Variants in EHBP1 observed in about 807,000 individuals in gnomAD.
EHBP1 encodes the protein EH domain-binding protein 1.
A neutral mutation model predicts 144.0 loss-of-function variants in EHBP1; 55 were observed. The ratio of observed to expected loss-of-function variants is 0.38; its 90% CI spans 0.31 to 0.48. The LOEUF (loss-of-function observed/expected upper bound fraction) is 0.48. Ranked by LOEUF, EHBP1 falls within the 20% of genes least tolerant of loss-of-function variation. EHBP1 has a pLI of 0.98. For synonymous variants in EHBP1, 469 were observed against 472.7 expected (o/e 0.99, Z 0.10); for missense variants, 1,200 against 1,364.2 (o/e 0.88, Z 1.90).
intron 3 of EHBP1, among the ~76,000 whole-genome samples, chr2:62,759,468 T>A (rs2040583627): frequency 6.6e-6 from 1 of 152,104 alleles, no homozygotes; most frequent in Non-Finnish European, 1.5e-5. Flanking sequence ...TGCAGTGGCG[T>A]GATCTTGGCT....
At chr2:62,774,298 G>A (rs1021601224) in intron 5 of EHBP1, among the ~76,000 whole-genome samples, 29 of 151,512 alleles carry the variant, frequency 1.9e-4, no homozygotes, top group Non-Finnish European at 3.4e-4. Context: ...TTAAACCTGG[G>A]AGGCAGAGGT....
At chr2:62,968,487 T>A (rs1251459676) in intron 14 of EHBP1, among the ~76,000 whole-genome samples, 1 of 151,954 alleles carries the variant, frequency 6.6e-6, no homozygotes, top group Non-Finnish European at 1.5e-5. Context: ...TTCTTAGAGG[T>A]TTTTCTAGTG....
chr2:62,957,723 G>A (rs1158044727), intron 14 of EHBP1, among the ~76,000 whole-genome samples: 1 of 131,108 alleles, frequency 7.6e-6, no homozygotes, highest in African/African-American at 3.0e-5. Flanking sequence ...TCGGCTCACT[G>A]CAAGCTTCGC....
At chr2:62,943,010 C>G (rs2056851611) in intron 11 of EHBP1, 114 bp downstream of exon 11, 2 of 761,432 alleles carry the variant, frequency 2.6e-6, no homozygotes, top group Admixed American at 3.2e-5. Context: ...TTTTATTACC[C>G]CACCTCTTGC....
intron 7 of EHBP1, among the ~76,000 whole-genome samples, chr2:62,849,589 A>G (rs2048537536): frequency 6.6e-6 from 1 of 152,224 alleles, no homozygotes. Flanking sequence ...ACATGCATAG[A>G]CATAGAGATA....
intron 1 of EHBP1, among the ~76,000 whole-genome samples, chr2:62,687,502 C>T (rs1177696873): frequency 1.3e-5 from 2 of 152,176 alleles, no homozygotes; most frequent in African/African-American, 2.4e-5. Flanking sequence ...AGATGGGTTT[C>T]CCATCTGTGT....
intron 2 of EHBP1, among the ~76,000 whole-genome samples, chr2:62,723,675 G>A (rs998733332): frequency 1.3e-5 from 2 of 152,124 alleles, no homozygotes; most frequent in African/African-American, 4.8e-5. Flanking sequence ...CAGATCTGGT[G>A]ATAATTAATT....
chr2:62,895,712 C>A (rs985322684), intron 10 of EHBP1, among the ~76,000 whole-genome samples: 2 of 152,040 alleles, frequency 1.3e-5, no homozygotes, highest in Non-Finnish European at 2.9e-5. Context: ...TTTATAATAT[C>A]CCAGGCCAGA....
At chr2:62,992,620 T>C (rs1433361151) in intron 16 of EHBP1, among the ~76,000 whole-genome samples, 1 of 152,190 alleles carries the variant, frequency 6.6e-6, no homozygotes, top group African/African-American at 2.4e-5. Context: ...AAATGCAGTT[T>C]ACACATTTAT....
At chr2:62,977,928 TTAAA>T (rs1396347472) in intron 14 of EHBP1, among the ~76,000 whole-genome samples, 1 of 151,900 alleles carries the variant, frequency 6.6e-6, no homozygotes, top group Non-Finnish European at 1.5e-5. Context: ...TGAGTAGAAA[TTAAA>T]TAAGGTGAGA....
At chr2:63,008,888 T>C (rs2060157658) in intron 19 of EHBP1, among the ~76,000 whole-genome samples, 1 of 151,668 alleles carries the variant, frequency 6.6e-6, no homozygotes, top group Admixed American at 6.6e-5. Flanking sequence ...AAAAAATTAA[T>C]TTCTTGTATG....
intron 1 of EHBP1, among the ~76,000 whole-genome samples, chr2:62,679,840 G>A (rs927200287): frequency 2.0e-5 from 3 of 152,216 alleles, no homozygotes; most frequent in African/African-American, 7.2e-5. Context: ...TGTGCCAAGT[G>A]TTTAGAGGCC....
intron 5 of EHBP1, among the ~76,000 whole-genome samples, chr2:62,825,225 C>T (rs1387652478): frequency 6.6e-6 from 1 of 152,016 alleles, no homozygotes; most frequent in Non-Finnish European, 1.5e-5. Context: ...CATATCTCCC[C>T]AGAATTTACA....
intron 1 of EHBP1, among the ~76,000 whole-genome samples, chr2:62,674,955 C>G (rs1388648441): frequency 6.6e-6 from 1 of 152,154 alleles, no homozygotes; most frequent in Non-Finnish European, 1.5e-5. Context: ...TTCTGCTGAC[C>G]TAGGTTAACC....
intron 2 of EHBP1, among the ~76,000 whole-genome samples, chr2:62,739,935 GAAAA>G (rs66665657): frequency 2.1e-5 from 2 of 97,120 alleles, no homozygotes; most frequent in African/African-American, 3.9e-5. Context: ...GCCTGTCTCA[GAAAA>G]AAAAAAAAAA....
intron 10 of EHBP1, among the ~76,000 whole-genome samples, chr2:62,939,701 G>A (rs1031767423): frequency 1.3e-5 from 2 of 152,130 alleles, no homozygotes; most frequent in African/African-American, 4.8e-5. Flanking sequence ...GGGAAATGGA[G>A]CAATCTGAGA....
chr2:62,741,550 G>A (rs1023502336), intron 2 of EHBP1, among the ~76,000 whole-genome samples: 6 of 152,028 alleles, frequency 3.9e-5, no homozygotes, highest in Admixed American at 2.0e-4. Context: ...TAGTGTCAGC[G>A]TTTTTGTTGT....
At chr2:62,943,994 A>T in intron 12 of EHBP1, 144 bp downstream of exon 12, 1 of 533,568 alleles carries the variant, frequency 1.9e-6, no homozygotes, top group Non-Finnish European at 3.3e-6. Flanking sequence ...GTTCATTAGG[A>T]TACATGGTTT....
At position 62,908,201 on chromosome 2, in the gene EHBP1, G is replaced by C. The variant is rs954525581; in HGVS notation, c.1185+33669G>C. Among the ~76,000 whole-genome samples the C allele has an allele frequency of 3.9e-5, 6 of 152,118 alleles. 1 individual carries two copies. The highest frequency in any genetic ancestry group is 2.6e-4 in the Admixed American group (4 of 15,278). On this transcript the variant is annotated intron_variant, in intron 10 of 22. Coordinates refer to ENST00000431489, the MANE Select transcript of EHBP1 (RefSeq NM_001142616.3). The stretch of plus-strand genomic sequence containing the variant: ...GTAGTTTAAATCTTCCAAAGAGTTT[G>C]TCCATTTCATCTTAGCTGTCAAATT...
Sources: gnomAD v4.1 joint callset for allele counts (sites outside exome capture counted in the v4.1 genomes callset) on GRCh38, gnomAD v4.1.1 for gene constraint, MANE v1.5 for transcripts, NCBI Gene and HGNC (gene_info 2026-07-23, HGNC 2026-07-21) for gene names.